HCRTR2: variants seen among roughly 807,000 people sequenced by gnomAD.
The protein encoded by HCRTR2 is hypocretin receptor 2.
A neutral mutation model predicts 49.0 loss-of-function variants in HCRTR2; 22 were observed. The ratio of observed to expected loss-of-function variants is 0.45; its 90% CI spans 0.32 to 0.64. The LOEUF (loss-of-function observed/expected upper bound fraction) is 0.64, where lower values mean the gene tolerates loss of function less well. HCRTR2 is among the 30% of genes least tolerant of loss of function. HCRTR2 has a pLI of 0.04. For missense variants in HCRTR2, 491 were observed against 559.4 expected (o/e 0.88, Z 1.23); for synonymous variants, 236 against 205.3 (o/e 1.15, Z -1.28).
At chr6:55,262,235 CAACT>C (rs1392289746) in intron 3 of HCRTR2, among the ~76,000 whole-genome samples, 5 of 149,856 alleles carry the variant, frequency 3.3e-5, no homozygotes, top group African/African-American at 1.2e-4. Flanking sequence ...AACCAAACAC[CAACT>C]GTTTCCCCAA....
At chr6:55,217,263 A>G (rs1765804732) in intron 1 of HCRTR2, among the ~76,000 whole-genome samples, 1 of 152,206 alleles carries the variant, frequency 6.6e-6, no homozygotes, top group Non-Finnish European at 1.5e-5. Flanking sequence ...GTCTTAATGA[A>G]TAACATCTGA....
At chr6:55,204,994 G>A (rs890025084) in intron 1 of HCRTR2, among the ~76,000 whole-genome samples, 12 of 151,986 alleles carry the variant, frequency 7.9e-5, no homozygotes, top group Non-Finnish European at 1.2e-4. Flanking sequence ...ATGAGGTCTC[G>A]CTATGTTGCC....
chr6:55,133,236 C>T (rs1035264227), intron 1 of HCRTR2, among the ~76,000 whole-genome samples: 3 of 151,768 alleles, frequency 2.0e-5, no homozygotes, highest in South Asian at 2.1e-4. Context: ...TTCCTGTCTC[C>T]TATGTCTTCT....
chr6:55,108,963 C>T (rs4715517), intron 1 of HCRTR2, among the ~76,000 whole-genome samples: 2 of 152,026 alleles, frequency 1.3e-5, no homozygotes, highest in Non-Finnish European at 2.9e-5. Context: ...CATATAAACT[C>T]GGTGCTGTTG....
intron 1 of HCRTR2, among the ~76,000 whole-genome samples, chr6:55,231,219 A>G (rs1251524135): frequency 6.6e-6 from 1 of 152,188 alleles, no homozygotes; most frequent in East Asian, 1.9e-4. Context: ...TTATATTTAT[A>G]ATAATAGACA....
rs560443750 is a variant in HCRTR2 at position 55,241,192 on chromosome 6, A to G, written c.224-7447A>G. On this transcript the variant is annotated intron_variant, in intron 1 of 6. Coordinates refer to ENST00000370862, the MANE Select transcript of HCRTR2 (RefSeq NM_001384272.1). The stretch of plus-strand genomic sequence containing the variant: ...CTGTGTCCATGTGTTCTCATTGTTC[A>G]ATTCCCACCTATGAGTGAGAATATG... Among the ~76,000 whole-genome samples the G allele has an allele frequency of 6.5e-5, 9 of 137,480 alleles. No individual in the cohort carries two copies. The South Asian group carries it at 2.0e-3, about 31-fold the overall frequency. 90.2% of individuals were successfully genotyped at this position (137,480 alleles called of 152,430 possible).
At chr6:55,200,541 T>TA (rs1268288273) in intron 1 of HCRTR2, among the ~76,000 whole-genome samples, 1 of 152,202 alleles carries the variant, frequency 6.6e-6, no homozygotes, top group Non-Finnish European at 1.5e-5. Flanking sequence ...GTAATTCTGC[T>TA]AATGGTTGTC....
At chr6:55,120,765 C>T (rs1764187282) in intron 1 of HCRTR2, among the ~76,000 whole-genome samples, 1 of 151,968 alleles carries the variant, frequency 6.6e-6, no homozygotes, top group African/African-American at 2.4e-5. Context: ...GTCTGATTGG[C>T]CTGGCCAGAA....
At position 55,187,688 on chromosome 6, in the gene HCRTR2, T is replaced by TC. The variant is rs1467705375; in HGVS notation, c.223+12878_223+12879insC. Among the ~76,000 whole-genome samples the TC allele has an allele frequency of 2.7e-3, 392 of 147,434 alleles. 4 individuals are homozygous for TC. The highest frequency in any genetic ancestry group is 9.4e-3 in the African/African-American group (380 of 40,252). On this transcript the variant is annotated intron_variant, in intron 1 of 6. Coordinates refer to ENST00000370862, the MANE Select transcript of HCRTR2 (RefSeq NM_001384272.1). Reference sequence around the variant, plus strand: ...GATAGGGCTATTATTTGATCTTTTTTTTTTTTTTTTTTTTTTACAGGTAGT... The same window carrying TC: ...GATAGGGCTATTATTTGATCTTTTTTCTTTTTTTTTTTTTTTTACAGGTAGT...
At chr6:55,176,863 T>C (rs932428825) in intron 1 of HCRTR2, among the ~76,000 whole-genome samples, 25 of 152,192 alleles carry the variant, frequency 1.6e-4, no homozygotes, top group Admixed American at 1.2e-3. Context: ...GGCACTGTCA[T>C]TCTCTTCACC....
intron 1 of HCRTR2, among the ~76,000 whole-genome samples, chr6:55,126,816 G>A (rs1381004540): frequency 6.6e-6 from 1 of 152,208 alleles, no homozygotes; most frequent in African/African-American, 2.4e-5. Context: ...TTGCTGAGCT[G>A]CAGTGGGCTC....
intron 1 of HCRTR2, among the ~76,000 whole-genome samples, chr6:55,113,662 T>C (rs1317055981): frequency 6.6e-6 from 1 of 151,816 alleles, no homozygotes; most frequent in Non-Finnish European, 1.5e-5. Context: ...TTGGTGTGGA[T>C]GTGGTGAAAA....
chr6:55,121,636 T>C (rs896262224), intron 1 of HCRTR2, among the ~76,000 whole-genome samples: 5 of 152,194 alleles, frequency 3.3e-5, no homozygotes, highest in Non-Finnish European at 5.9e-5. Context: ...ATATGTCCCA[T>C]CAATACCTAA....
chr6:55,284,243 G>C (rs1378926649), downstream of HCRTR2, among the ~76,000 whole-genome samples: 1 of 152,108 alleles, frequency 6.6e-6, no homozygotes, highest in Non-Finnish European at 1.5e-5. Context: ...GGGAAAGGGG[G>C]AGAGAAGGAA....
At chr6:55,136,386 C>T (rs909894577) in intron 1 of HCRTR2, among the ~76,000 whole-genome samples, 1 of 152,156 alleles carries the variant, frequency 6.6e-6, no homozygotes, top group African/African-American at 2.4e-5. Context: ...TTCACATACA[C>T]ACTCTAACTT....
chr6:55,213,211 G>GA (rs1302937644), intron 1 of HCRTR2, among the ~76,000 whole-genome samples: 3 of 151,928 alleles, frequency 2.0e-5, no homozygotes, highest in Non-Finnish European at 4.4e-5. Context: ...GAATGAAAAA[G>GA]AAAAAAACAC....
At chr6:55,176,252 G>A (rs995353501) in intron 1 of HCRTR2, among the ~76,000 whole-genome samples, 6 of 152,152 alleles carry the variant, frequency 3.9e-5, no homozygotes, top group Non-Finnish European at 5.9e-5. Flanking sequence ...GAGAACTTTA[G>A]TACATTTTTA....
chr6:55,277,698 A>T, intron 5 of HCRTR2, 98 bp downstream of exon 5: 1 of 912,206 alleles, frequency 1.1e-6, no homozygotes, highest in Non-Finnish European at 1.7e-6. Context: ...GAAAAATCTA[A>T]ACTTTCTGCT....
intron 1 of HCRTR2, among the ~76,000 whole-genome samples, chr6:55,128,056 T>C (rs1764305717): frequency 6.6e-6 from 1 of 152,208 alleles, no homozygotes; most frequent in African/African-American, 2.4e-5. Context: ...TAGTTTTGTG[T>C]TTTACATTTA....
Sources: gnomAD v4.1 joint callset for allele counts (sites outside exome capture counted in the v4.1 genomes callset) on GRCh38, gnomAD v4.1.1 for gene constraint, MANE v1.5 for transcripts, NCBI Gene and HGNC (gene_info 2026-07-23, HGNC 2026-07-21) for gene names.